Variants in CACNA2D1 observed in about 807,000 individuals in gnomAD.
CACNA2D1 encodes voltage-dependent calcium channel subunit alpha-2/delta-1.
A neutral mutation model predicts 171.5 loss-of-function variants in CACNA2D1; 53 were observed. The ratio of observed to expected loss-of-function variants is 0.31; its 90% CI spans 0.25 to 0.39. The LOEUF is 0.39. Among genes scored for constraint, CACNA2D1 ranks in the 10% least tolerant of loss-of-function variants. The probability of loss-of-function intolerance (pLI) is 1.00; values close to 1 mark genes in which losing one functional copy is unlikely to be tolerated. For synonymous variants in CACNA2D1, 442 were observed against 443.1 expected (o/e 1.00, Z 0.03); for missense variants, 903 against 1,299.8 (o/e 0.69, Z 4.69).
At chr7:82,423,003 T>C (rs1207371256) in intron 1 of CACNA2D1, among the ~76,000 whole-genome samples, 1 of 152,160 alleles carries the variant, frequency 6.6e-6, no homozygotes, top group Non-Finnish European at 1.5e-5. Flanking sequence ...ACTGAACATC[T>C]GAACCAAACT....
chr7:82,314,608 C>T lies in CACNA2D1; in HGVS notation c.294+20527G>A, dbSNP rs112686017. 6.3e-3 allele frequency among the ~76,000 whole-genome samples: 954 copies of T among 152,188 alleles called. 10 individuals carry two copies. Among genetic ancestry groups the T allele is most frequent in the South Asian group, 0.053 (254 of 4,820 alleles). On this transcript the variant is annotated intron_variant, in intron 3 of 38. Transcript: ENST00000356860. ...ATTATTTCACTCAAACGTTTGCATG[C>T]CACCTTTTCTATTTAAAAAATAATA... is the stretch of plus-strand genomic sequence containing the variant.
intron 3 of CACNA2D1, among the ~76,000 whole-genome samples, chr7:82,173,823 C>CTT (rs1796283000): frequency 6.6e-6 from 1 of 151,814 alleles, no homozygotes; most frequent in Non-Finnish European, 1.5e-5. Context: ...TGGGGAAAAT[C>CTT]TCTTGAGGCC....
intron 3 of CACNA2D1, among the ~76,000 whole-genome samples, chr7:82,243,724 G>A (rs1166895305): frequency 1.3e-5 from 2 of 152,226 alleles, no homozygotes; most frequent in East Asian, 3.9e-4. Context: ...CATGCTACAT[G>A]GGTGCAGACA....
chr7:82,416,796 C>G (rs1234173925), intron 1 of CACNA2D1, among the ~76,000 whole-genome samples: 4 of 152,098 alleles, frequency 2.6e-5, no homozygotes, highest in African/African-American at 9.7e-5. Flanking sequence ...AAATTCAACA[C>G]AGGAATTTTG....
intron 3 of CACNA2D1, among the ~76,000 whole-genome samples, chr7:82,205,083 G>C (rs1336753765): frequency 1.3e-5 from 2 of 152,122 alleles, no homozygotes; most frequent in African/African-American, 4.8e-5. Flanking sequence ...TTCATGCCCA[G>C]GCTCACTTGC....
At chr7:82,398,906 T>G (rs1174833252) in intron 1 of CACNA2D1, among the ~76,000 whole-genome samples, 1 of 151,838 alleles carries the variant, frequency 6.6e-6, no homozygotes, top group East Asian at 1.9e-4. Context: ...TTTCCTTCCT[T>G]CTACCCTTCT....
intron 5 of CACNA2D1, among the ~76,000 whole-genome samples, chr7:82,123,851 C>A (rs1278696265): frequency 6.6e-6 from 1 of 152,016 alleles, no homozygotes; most frequent in Non-Finnish European, 1.5e-5. Flanking sequence ...TTATTCTATA[C>A]TAGGTAGTAA....
At chr7:82,314,980 T>C (rs868866483) in intron 3 of CACNA2D1, among the ~76,000 whole-genome samples, 15,142 of 146,640 alleles carry the variant, frequency 0.1, 893 homozygotes, top group South Asian at 0.19. Flanking sequence ...ATTATCTTTT[T>C]TTTTTTTTTT....
Position 82,252,127 on chromosome 7 carries a change from C to T in CACNA2D1, c.295-81518G>A, listed in dbSNP as rs565266055. ...TTCTTCTTGTTTTAAAATGAGAATG[C>T]GAGTATGCTTTGCAAGGGGCAAAAT... On this transcript the variant is annotated intron_variant, in intron 3 of 38. Coordinates refer to ENST00000356860, the MANE Select transcript of CACNA2D1 (RefSeq NM_000722.4). Among the ~76,000 whole-genome samples the T allele has an allele frequency of 3.9e-5, 6 of 152,206 alleles. No individual in the cohort carries two copies. The South Asian group carries it at 6.2e-4, about 16-fold the overall frequency.
intron 1 of CACNA2D1, among the ~76,000 whole-genome samples, chr7:82,393,399 C>T (rs898957050): frequency 3.3e-5 from 5 of 151,952 alleles, no homozygotes; most frequent in Non-Finnish European, 7.4e-5. Flanking sequence ...TATGCAACAG[C>T]TCAAATACCA....
At chr7:82,229,102 T>C (rs1802641078) in intron 3 of CACNA2D1, among the ~76,000 whole-genome samples, 1 of 152,170 alleles carries the variant, frequency 6.6e-6, no homozygotes, top group South Asian at 2.1e-4. Context: ...TAAACAAGCT[T>C]TGCCCTCCAC....
intron 5 of CACNA2D1, among the ~76,000 whole-genome samples, chr7:82,131,082 A>T (rs964459003): frequency 6.6e-6 from 1 of 152,128 alleles, no homozygotes; most frequent in African/African-American, 2.4e-5. Context: ...GATTACAGGC[A>T]TGAGCCACCG....
chr7:82,281,139 C>T (rs1477973492), intron 3 of CACNA2D1, among the ~76,000 whole-genome samples: 1 of 152,162 alleles, frequency 6.6e-6, no homozygotes, highest in Non-Finnish European at 1.5e-5. Flanking sequence ...TTAAAGGCTC[C>T]TCTTGTTCTC....
intron 3 of CACNA2D1, among the ~76,000 whole-genome samples, chr7:82,224,363 G>A (rs953345909): frequency 7.2e-5 from 11 of 151,944 alleles, no homozygotes; most frequent in Non-Finnish European, 1.0e-4. Context: ...CGAGGCGGGC[G>A]GATCACAAGG....
intron 4 of CACNA2D1, among the ~76,000 whole-genome samples, chr7:82,144,522 A>C (rs562311770): frequency 6.6e-5 from 10 of 152,206 alleles, no homozygotes; most frequent in African/African-American, 2.4e-4. Context: ...ATAAAAACTC[A>C]GATGTGTTCT....
intron 3 of CACNA2D1, among the ~76,000 whole-genome samples, chr7:82,215,965 A>G (rs911361547): frequency 2.0e-5 from 3 of 152,202 alleles, no homozygotes; most frequent in Admixed American, 1.3e-4. Context: ...CATGAAAAAA[A>G]GACACAAAAT....
At chr7:82,089,162 C>T (rs1563028754) in intron 6 of CACNA2D1, among the ~76,000 whole-genome samples, 1 of 152,138 alleles carries the variant, frequency 6.6e-6, no homozygotes, top group African/African-American at 2.4e-5. Flanking sequence ...CTCCCTACCC[C>T]TGACAAATAG....
rs1019208926 is a variant in CACNA2D1, at chr7:81,948,404, A to T, written c.*1988T>A. The T allele has an allele frequency of 5.9e-5, 9 of 151,832 alleles. No homozygotes were observed. The highest frequency in any genetic ancestry group is 1.7e-4 in the African/African-American group (7 of 41,416). 9.4% of individuals were successfully genotyped at this position (151,832 alleles called of 1,614,324 possible). On this transcript the variant is annotated 3_prime_UTR_variant, in exon 39 of 39. Coordinates refer to ENST00000356860, the MANE Select transcript of CACNA2D1 (RefSeq NM_000722.4). ...AACAATGCATTAGAAATGGTAACTGATGTCAACTCTTAGAACAATAGTTGG... is the reference window on the plus strand; with the variant it reads ...AACAATGCATTAGAAATGGTAACTGTTGTCAACTCTTAGAACAATAGTTGG...
At chr7:82,193,769 G>A (rs1798578505) in intron 3 of CACNA2D1, among the ~76,000 whole-genome samples, 2 of 151,988 alleles carry the variant, frequency 1.3e-5, no homozygotes, top group Non-Finnish European at 2.9e-5. Flanking sequence ...ATAGTAGCCA[G>A]TTACATACTT....
Sources: allele counts gnomAD v4.1 joint callset (sites outside exome capture counted in the v4.1 genomes callset), GRCh38; gene constraint gnomAD v4.1.1; transcripts MANE v1.5; gene names NCBI Gene and HGNC (gene_info 2026-07-23, HGNC 2026-07-21).